The following NEBL variants were observed in gnomAD, a reference collection of about 807,000 sequenced individuals.
NEBL encodes the protein nebulette.
A neutral mutation model predicts 140.2 loss-of-function variants in NEBL; 122 were observed. The observed-to-expected ratio is 0.87, with a 90% CI of 0.75 to 1.01. The LOEUF is 1.01. Ranked by LOEUF, NEBL falls within the 50% of genes least tolerant of loss-of-function variation. NEBL has a pLI of 0.00. For synonymous variants in NEBL, 436 were observed against 398.9 expected (o/e 1.09, Z -1.11); for missense variants, 1,365 against 1,231.3 (o/e 1.11, Z -1.62).
intron 4 of NEBL, among the ~76,000 whole-genome samples, chr10:20,936,770 T>C (rs1187164166): frequency 6.6e-6 from 1 of 152,216 alleles, no homozygotes; most frequent in Non-Finnish European, 1.5e-5. Flanking sequence ...ATTATTGCCT[T>C]TTCTGACCTT....
intron 2 of NEBL, among the ~76,000 whole-genome samples, chr10:21,066,647 C>T (rs1835561135): frequency 6.6e-6 from 1 of 152,132 alleles, no homozygotes; most frequent in African/African-American, 2.4e-5. Context: ...CTTTAAAAAG[C>T]TAAGATTGTA....
chr10:20,947,866 A>G (rs1383782239), intron 4 of NEBL, among the ~76,000 whole-genome samples: 1 of 152,238 alleles, frequency 6.6e-6, no homozygotes, highest in Non-Finnish European at 1.5e-5. Flanking sequence ...CTGCAATCAG[A>G]CAATCTAACA....
In NEBL at chr10:21,126,005, A is replaced by G. The variant is rs745595460; in HGVS notation, c.164+46378T>C. ...TGGATGGGCGGCTTGTAGAGACTGA[A>G]GCTGACTCTCCGCAGCCACCTGGCA... On this transcript the variant is annotated intron_variant, in intron 2 of 6. Transcript: ENST00000417816. The G allele has an allele frequency of 2.7e-5, 44 of 1,614,064 alleles. No individual in the cohort carries two copies. The South Asian group carries it at 3.3e-4, about 12-fold the overall frequency.
intron 2 of NEBL, among the ~76,000 whole-genome samples, chr10:21,115,828 CATT>C (rs1838258666): frequency 6.6e-6 from 1 of 151,802 alleles, no homozygotes; most frequent in Non-Finnish European, 1.5e-5. Flanking sequence ...ATTTTTTAGC[CATT>C]ATTTTTTAAG....
Position 20,813,841 on chromosome 10 carries a change from C to T in NEBL, c.2346+98G>A, listed in dbSNP as rs1283344878. The T allele has an allele frequency of 6.0e-6, 5 of 830,766 alleles. No homozygotes were observed. In the East Asian group the frequency reaches 1.3e-4, roughly 21 times the overall value. The allele number at this position is 830,766 out of a possible 1,614,324, so 51.5% of individuals were successfully genotyped here. A position where few individuals can be genotyped will look rare whatever the true frequency, so the allele number is the denominator to read the frequency against. Reference sequence around the variant, plus strand: ...AAGACAAGCCAACCACATTTCCATGCTTTGTTAGTTATCGGATTAATAGTG... The same window carrying T: ...AAGACAAGCCAACCACATTTCCATGTTTTGTTAGTTATCGGATTAATAGTG... On this transcript the variant is annotated intron_variant, in intron 23 of 27. Coordinates refer to ENST00000377122, the MANE Select transcript of NEBL (RefSeq NM_006393.3).
intron 2 of NEBL, among the ~76,000 whole-genome samples, chr10:21,118,297 A>C (rs1838375770): frequency 6.6e-6 from 1 of 152,190 alleles, no homozygotes; most frequent in Admixed American, 6.6e-5. Context: ...TCAAAGTGTC[A>C]CCATTTTACA....
chr10:21,191,712 T>C (rs1841577526), intron 3 of NEBL, among the ~76,000 whole-genome samples: 1 of 152,196 alleles, frequency 6.6e-6, no homozygotes, highest in South Asian at 2.1e-4. Context: ...TATAACAATA[T>C]TGTTGCTTTT....
At chr10:21,186,257 AACACACACACACACACACAC>A (rs765894739) in intron 3 of NEBL, among the ~76,000 whole-genome samples, 12 of 124,822 alleles carry the variant, frequency 9.6e-5, no homozygotes, top group East Asian at 5.0e-4. Flanking sequence ...TATATATACA[AACACACACACACACACACAC>A]ACACACACAC....
At position 21,239,449 on chromosome 10, in the gene NEBL, C is replaced by G. The variant is rs558662711; in HGVS notation, n.348+8472G>C. Among the ~76,000 whole-genome samples the G allele has an allele frequency of 6.4e-4, 97 of 152,228 alleles. 1 individual carries two copies. Among genetic ancestry groups the G allele is most frequent in the Admixed American group, 1.2e-3 (19 of 15,286 alleles). ...TGAAATGCTGTCCCACTCTGCACCC[C>G]CACATCCCATTTTCTCACTCCTGCC... On this transcript the variant is annotated intron_variant and non_coding_transcript_variant, in intron 3 of 8. Coordinates refer to the NEBL transcript ENST00000675702.
intron 2 of NEBL, among the ~76,000 whole-genome samples, chr10:20,891,803 G>T (rs1847061223): frequency 1.3e-5 from 2 of 151,996 alleles, no homozygotes; most frequent in Admixed American, 1.3e-4. Flanking sequence ...CAATTTGTTA[G>T]AAGTCACACA....
chr10:21,282,760 C>T (rs1365372934), intron 1 of NEBL, among the ~76,000 whole-genome samples: 1 of 152,026 alleles, frequency 6.6e-6, no homozygotes, highest in Non-Finnish European at 1.5e-5. Context: ...ACAGTTAAGG[C>T]ATTCTAAGTC....
upstream of NEBL, among the ~76,000 whole-genome samples, chr10:20,901,032 G>T (rs788983): frequency 0.22 from 33,381 of 151,422 alleles, 4,094 homozygotes; most frequent in East Asian, 0.41. Context: ...AAAATAAAAA[G>T]AAAAAGCACC....
intron 4 of NEBL, among the ~76,000 whole-genome samples, chr10:20,956,574 C>T (rs1441794997): frequency 6.6e-6 from 1 of 152,044 alleles, no homozygotes; most frequent in Admixed American, 6.6e-5. Flanking sequence ...GTTAATCAAC[C>T]CACTTATGAC....
chr10:20,888,143 G>T lies in NEBL; in HGVS notation c.323C>A (p.Thr108Lys). The T allele has an allele frequency of 6.2e-7, 1 of 1,613,842 alleles. No homozygotes were observed. Residue 108 changes from threonine to lysine, a missense_variant, in exon 4 of 28, where the codon ACA becomes AAA. Thr to Lys is a moderately conservative substitution (Grantham distance 78, BLOSUM62 -1). Around this residue, in one of 2 missense-constraint regions of NEBL, gnomAD observed 1,323 missense variants for 1,154.8 expected, o/e 1.15. Coordinates refer to ENST00000377122, the MANE Select transcript of NEBL (RefSeq NM_006393.3). ...TTCTCCTGCAAAAACACTGTCAATT[G>T]TGGCTGGCATCCGCTTATAAAGAGA... ...SNSLYKRMPATIDSVFAGEVT... is the reference protein window; with the variant it reads ...SNSLYKRMPAKIDSVFAGEVT...
At chr10:20,789,109 C>A (rs1835695108) in intron 26 of NEBL, among the ~76,000 whole-genome samples, 1 of 152,070 alleles carries the variant, frequency 6.6e-6, no homozygotes, top group Admixed American at 6.6e-5. Context: ...GGCCTTTTAC[C>A]CAATTAACAA....
intron 2 of NEBL, among the ~76,000 whole-genome samples, chr10:20,890,366 G>C (rs1394375836): frequency 6.6e-6 from 1 of 152,204 alleles, no homozygotes; most frequent in African/African-American, 2.4e-5. Context: ...AAAATAAGTA[G>C]TCAGCATGAC....
intron 2 of NEBL, among the ~76,000 whole-genome samples, chr10:21,049,152 C>G (rs1490654109): frequency 6.6e-6 from 1 of 152,234 alleles, no homozygotes; most frequent in Non-Finnish European, 1.5e-5. Context: ...TAAAAGTGTA[C>G]TGATTAAAAT....
intron 13 of NEBL, 37 bp from the exon 14 acceptor site, chr10:20,835,660 A>C (rs768276095): frequency 7.0e-7 from 1 of 1,421,758 alleles, no homozygotes; most frequent in Non-Finnish European, 9.9e-7. Flanking sequence ...TCAAACACTC[A>C]GTGGGCAAAC....
At chr10:20,788,737 C>T (rs1588595195) in intron 26 of NEBL, among the ~76,000 whole-genome samples, 1 of 152,236 alleles carries the variant, frequency 6.6e-6, no homozygotes, top group African/African-American at 2.4e-5. Flanking sequence ...CACTTTTTAA[C>T]ATTATCAACA....
Sources: allele counts gnomAD v4.1 joint callset (sites outside exome capture counted in the v4.1 genomes callset), GRCh38; gene constraint gnomAD v4.1.1; regional missense constraint gnomAD v4.1.1; transcripts MANE v1.5; gene names NCBI Gene and HGNC (gene_info 2026-07-23, HGNC 2026-07-21).